ATG2A: variants seen among roughly 807,000 people sequenced by gnomAD.
ATG2A encodes autophagy related 2A, also known as autophagy-related protein 2 homolog A.
Under a neutral mutation model 214.2 loss-of-function variants are expected in ATG2A, and 103 were observed. That is an observed-to-expected ratio of 0.48 (90% CI 0.41 to 0.57). ATG2A has a LOEUF of 0.57. ATG2A is among the 20% of genes least tolerant of loss of function. The pLI, the probability that ATG2A is intolerant of heterozygous loss-of-function variation, is 0.00. For missense variants in ATG2A, 2,312 were observed against 2,613.2 expected (o/e 0.88, Z 2.51); for synonymous variants, 1,160 against 1,142.1 (o/e 1.02, Z -0.32).
intron 37 of ATG2A, chr11:64,897,207 G>A (rs1565738624): frequency 8.0e-6 from 5 of 627,252 alleles, no homozygotes; most frequent in Non-Finnish European, 1.1e-5. Context: ...TAGTAGAGAC[G>A]GGGGGGTTTC....
chr11:64,912,782 G>A (rs775210923), intron 6 of ATG2A: 4 of 460,038 alleles, frequency 8.7e-6, no homozygotes, highest in East Asian at 4.2e-5. Flanking sequence ...TAGTAGAGAC[G>A]GGGTTTCACC....
intron 16 of ATG2A, 39 bp downstream of exon 16, chr11:64,908,952 C>T (rs750999437): frequency 3.7e-5 from 57 of 1,540,852 alleles, no homozygotes; most frequent in South Asian, 3.5e-4. Flanking sequence ...GGGCGGTGGG[C>T]GGGAGGGGGT....
At chr11:64,906,293 C>A in intron 21 of ATG2A, 41 bp downstream of exon 21, 2 of 1,608,794 alleles carry the variant, frequency 1.2e-6, no homozygotes, top group Admixed American at 3.3e-5. Flanking sequence ...GGGGCTGCAG[C>A]CCAGGCTAGC....
rs375882236 is a variant in ATG2A, at chr11:64,909,858, G to T, written c.1930C>A (p.Arg644=). The T allele has an allele frequency of 1.1e-5, 17 of 1,609,510 alleles. No individual in the cohort carries two copies. Among genetic ancestry groups the T allele is most frequent in the Non-Finnish European group, 1.4e-5 (17 of 1,178,742 alleles). Residue 644 remains arginine, a synonymous_variant, in exon 14 of 41, where the codon CGG becomes AGG. Coordinates refer to ENST00000377264, the MANE Select transcript of ATG2A (RefSeq NM_015104.3). ...FRLSAPRATL[R]LRFPIADLRP... ...AGGTCGGCAATGGGGAAGCGCAGCC[G>T]CAGCGTGGCCCGGGGTGCAGAGAGC...
intron 22 of ATG2A, 55 bp downstream of exon 22, chr11:64,906,058 C>A: frequency 6.5e-7 from 1 of 1,534,926 alleles, no homozygotes; most frequent in South Asian, 1.2e-5. Flanking sequence ...CCTGCTTGCC[C>A]AAAACAGAAG....
chr11:64,906,246 T>C (rs1269636590), intron 21 of ATG2A, 53 bp from the exon 22 acceptor site: 36 of 1,605,788 alleles, frequency 2.2e-5, no homozygotes, highest in Non-Finnish European at 3.0e-5. Flanking sequence ...CACCGTGCAC[T>C]GGGGCCTCAC....
chr11:64,908,947 G>A, intron 16 of ATG2A, 44 bp downstream of exon 16: 2 of 1,540,624 alleles, frequency 1.3e-6, no homozygotes, highest in East Asian at 2.4e-5. Context: ...AACCCGGGCG[G>A]TGGGCGGGAG....
Position 64,913,644 on chromosome 11 carries a change from G to A in ATG2A, c.590+177C>T. ...GGCCACTCTGGGCCTGTATCACCTG[G>A]CCTCTGGACACCAGTCCGGGCTCAC... On this transcript the variant is annotated intron_variant, in intron 4 of 40. Transcript: ENST00000377264. This position sits in a 1 kb window ranked among gnomAD's most constrained non-coding sequence, Gnocchi z 4.3. The A allele has an allele frequency of 2.6e-6, 2 of 780,168 alleles. No individual in the cohort carries two copies. Among genetic ancestry groups the A allele is most frequent in the Admixed American group, 2.7e-5 (1 of 36,408 alleles). 48.3% of individuals were successfully genotyped at this position (780,168 alleles called of 1,614,324 possible). A position where few individuals can be genotyped will look rare whatever the true frequency, so the allele number is the denominator to read the frequency against.
In ATG2A at chr11:64,900,567, G is replaced by A. The variant is rs1944317132; in HGVS notation, c.4391C>T (p.Pro1464Leu). ...CCCCTGCGTGCGCCATGAGTTCTGG[G>A]GCCGGTTGGGGCCAGAGCAGCGGGA... is the stretch of plus-strand genomic sequence containing the variant. Reference protein sequence around the residue: ...SPSRCSGPNRPQNSWRTQGGS... With the variant: ...SPSRCSGPNRLQNSWRTQGGS... The change falls in exon 31 of 41, where the codon CCC becomes CTC. Residue 1464 changes from proline to leucine, a missense_variant. Transcript: ENST00000377264. 2.5e-6 allele frequency: 4 copies of A among 1,613,272 alleles called. No individual in the cohort carries two copies. Among genetic ancestry groups the A allele is most frequent in the Admixed American group, 1.7e-5 (1 of 59,980 alleles).
chr11:64,901,368 G>A (rs1365970152), intron 29 of ATG2A, among the ~76,000 whole-genome samples: 2 of 151,970 alleles, frequency 1.3e-5, no homozygotes, highest in Non-Finnish European at 2.9e-5. Context: ...TTTATTTTTT[G>A]TAGAGACGGG....
chr11:64,900,340 G>A (rs775867506), intron 31 of ATG2A, among the ~76,000 whole-genome samples, 154 bp downstream of exon 31: 2 of 151,898 alleles, frequency 1.3e-5, no homozygotes, highest in Non-Finnish European at 2.9e-5. Context: ...CTTCACCATC[G>A]GACACACTCG....
At position 64,907,863 on chromosome 11, in the gene ATG2A, TCTC is replaced by T. The variant is rs1311757952; in HGVS notation, c.2389_2391del (p.Glu797del). ...AGGGTCCGGCTCTGGAACGTCCTCA[TCTC>T]CTCAGGGTCTCCAGGGATCACCATC... On this transcript the variant is annotated inframe_deletion, in exon 17 of 41. Transcript: ENST00000377264. 6.2e-7 allele frequency: 1 copy of T among 1,612,952 alleles called. No homozygotes were observed. Among genetic ancestry groups the T allele is most frequent in the Non-Finnish European group, 8.5e-7 (1 of 1,179,864 alleles).
Position 64,905,815 on chromosome 11 carries a change from C to A in ATG2A, c.3298G>T (p.Val1100Leu). ...LEFLDVLDDP[V>L]LGYLPPTVIT... ...ACCGTCGGGGGCAGGTAGCCCAGCACAGGGTCATCCAGCACGTCTAGGAAC... is the reference window on the plus strand; with the variant it reads ...ACCGTCGGGGGCAGGTAGCCCAGCAAAGGGTCATCCAGCACGTCTAGGAAC... The change falls in exon 23 of 41, where the codon GTG becomes TTG. Residue 1100 changes from valine (V) to leucine (L), a missense_variant. Coordinates refer to ENST00000377264, the MANE Select transcript of ATG2A (RefSeq NM_015104.3). 6.2e-7 allele frequency: 1 copy of A among 1,613,670 alleles called. No homozygotes were observed. The highest frequency in any genetic ancestry group is 8.5e-7 in the Non-Finnish European group (1 of 1,180,012).
Position 64,902,296 on chromosome 11 carries a change from T to C in ATG2A, c.3868A>G (p.Thr1290Ala). ...QRDLADALLD[T>A]ERSLRELAQP... The stretch of plus-strand genomic sequence containing the variant: ...GCCAGCTCCCGTAGGCTGCGCTCGG[T>C]GTCCAGGAGGGCGTCGGCCAGGTCA... The change falls in exon 28 of 41, where the codon ACC (threonine) becomes GCC (alanine). Residue 1290 changes from threonine to alanine, a missense_variant. By Grantham distance (58) the Thr-to-Ala change is moderately conservative (BLOSUM62 0). Transcript: ENST00000377264. 6.2e-7 allele frequency: 1 copy of C among 1,612,622 alleles called. No individual in the cohort carries two copies. Among genetic ancestry groups the C allele is most frequent in the Non-Finnish European group, 8.5e-7 (1 of 1,179,936 alleles).
chr11:64,895,132 C>T lies in ATG2A; in HGVS notation c.5658G>A (p.Val1886=), dbSNP rs375939691. ...GHEQKGLTGA[V]GGVIRQLPPT... is the part of the protein sequence containing the mutation. ...GGGGCAGCTGGCGGATCACGCCCCC[C>T]ACGGCGCCCGTCAGCCCCTTCTGCT... is the stretch of plus-strand genomic sequence containing the variant. Residue 1886 remains valine, a synonymous_variant, in exon 41 of 41, where the codon GTG becomes GTA. Coordinates refer to ENST00000377264, the MANE Select transcript of ATG2A (RefSeq NM_015104.3). This position sits in a 1 kb window ranked among gnomAD's most constrained non-coding sequence, Gnocchi z 5.0. 2 of 1,612,996 alleles carry T rather than the reference C, an allele frequency of 1.2e-6. No homozygotes were observed. The highest frequency in any genetic ancestry group is 8.5e-7 in the Non-Finnish European group (1 of 1,179,780).
In ATG2A at chr11:64,913,696, C is replaced by T; in HGVS notation, c.590+125G>A. On this transcript the variant is annotated intron_variant, in intron 4 of 40. Coordinates refer to ENST00000377264, the MANE Select transcript of ATG2A (RefSeq NM_015104.3). This position sits in a 1 kb window ranked among gnomAD's most constrained non-coding sequence, Gnocchi z 4.3. ...ATGCAGCCCACCTCCCCAACCCTAC[C>T]ACCACCGAGGCCCATCCAGATCCAC... The T allele has an allele frequency of 3.0e-6, 3 of 999,354 alleles. No individual in the cohort carries two copies. Among genetic ancestry groups the T allele is most frequent in the South Asian group, 2.9e-5 (2 of 68,172 alleles). The allele number at this position is 999,354 out of a possible 1,614,324, so 61.9% of individuals were successfully genotyped here.
rs759750083 is a variant in ATG2A, at chr11:64,911,828, G to A, written c.1228+14C>T. On this transcript the variant is annotated intron_variant, in intron 9 of 40. Coordinates refer to ENST00000377264, the MANE Select transcript of ATG2A (RefSeq NM_015104.3). ...TTCCTGTCCCTGGAGTACCCCCAGG[G>A]TGCTCCAACTCACCAGCTGGGTGGG... 2 of 1,612,138 alleles carry A rather than the reference G, an allele frequency of 1.2e-6. No homozygotes were observed. The highest frequency in any genetic ancestry group is 1.1e-5 in the South Asian group (1 of 90,974).
rs1187726289 is a variant in ATG2A, at chr11:64,898,449, C to T, written c.4672-87G>A. On this transcript the variant is annotated intron_variant, in intron 32 of 40. Transcript: ENST00000377264. This position sits in a 1 kb window ranked among gnomAD's most constrained non-coding sequence, Gnocchi z 4.5. The stretch of plus-strand genomic sequence containing the variant: ...TGTTCCCTGACAGCTCACCCAGCCA[C>T]CCTGCCTCTGAACACGCTGTTCCCT... 7.3e-7 allele frequency: 1 copy of T among 1,374,304 alleles called. No individual in the cohort carries two copies. Among genetic ancestry groups the T allele is most frequent in the East Asian group, 2.5e-5 (1 of 39,844 alleles). The allele number at this position is 1,374,304 out of a possible 1,614,324, so 85.1% of individuals were successfully genotyped here.
intron 10 of ATG2A, 29 bp from the exon 11 acceptor site, chr11:64,910,983 G>A: frequency 6.2e-7 from 1 of 1,613,566 alleles, no homozygotes. Flanking sequence ...GCGTCAGAAG[G>A]TGCACTTAGG....
Sources: gnomAD v4.1 joint callset for allele counts (sites outside exome capture counted in the v4.1 genomes callset) on GRCh38, gnomAD v4.1.1 for gene constraint, Gnocchi (gnomAD v3.1) non-coding constraint, MANE v1.5 for transcripts, NCBI Gene and HGNC (gene_info 2026-07-23, HGNC 2026-07-21) for gene names.